CCDC38: variants seen among roughly 807,000 people sequenced by gnomAD.
CCDC38 encodes coiled-coil domain containing 38, also known as coiled-coil domain-containing protein 38.
Under a neutral mutation model 72.8 loss-of-function variants are expected in CCDC38, and 69 were observed. The ratio of observed to expected loss-of-function variants is 0.95; its 90% CI spans 0.78 to 1.16. The LOEUF is 1.16. Among genes scored for constraint, CCDC38 ranks in the 50% most tolerant of loss-of-function variants. The probability of loss-of-function intolerance (pLI) is 0.00; values close to 1 mark genes in which losing one functional copy is unlikely to be tolerated. For synonymous variants in CCDC38, 201 were observed against 213.2 expected (o/e 0.94, Z 0.50); for missense variants, 626 against 638.9 (o/e 0.98, Z 0.22).
chr12:95,903,880 AGG>A (rs1407853897), intron 5 of CCDC38: 1 of 157,188 alleles, frequency 6.4e-6, no homozygotes, highest in Non-Finnish European at 1.4e-5. Flanking sequence ...TTTTGATATG[AGG>A]GTAATGCTGG....
At position 95,878,251 on chromosome 12, in the gene CCDC38, G is replaced by A. The variant is rs2079657077; in HGVS notation, c.1238C>T (p.Ser413Phe). The change falls in exon 13 of 16, where the codon TCC becomes TTC. Residue 413 changes from serine (S) to phenylalanine (F), a missense_variant. Transcript: ENST00000344280. The stretch of plus-strand genomic sequence containing the variant: ...AAATTCTCCAAAGCTAAAGAGCTTG[G>A]ACTTTAATTGCAATTCTGCTGCTTT... ...EEKAAELQLK[S>F]KLFSFGEFNS... The A allele has an allele frequency of 6.2e-7, 1 of 1,613,536 alleles. No individual in the cohort carries two copies. Among genetic ancestry groups the A allele is most frequent in the Non-Finnish European group, 8.5e-7 (1 of 1,179,790 alleles).
intron 9 of CCDC38, among the ~76,000 whole-genome samples, chr12:95,889,670 A>G (rs1479259594): frequency 1.3e-5 from 2 of 152,140 alleles, no homozygotes; most frequent in African/African-American, 4.8e-5. Flanking sequence ...AGCAGGATAC[A>G]GGAGAAAAGG....
At chr12:95,941,081 T>C (rs750003206) in intron 1 of CCDC38, among the ~76,000 whole-genome samples, 2 of 152,216 alleles carry the variant, frequency 1.3e-5, no homozygotes, top group East Asian at 3.8e-4. Flanking sequence ...CACTCATCCT[T>C]TCTGCTTTTG....
intron 2 of CCDC38, among the ~76,000 whole-genome samples, chr12:95,927,276 G>C (rs2080282021): frequency 6.6e-6 from 1 of 151,914 alleles, no homozygotes; most frequent in East Asian, 1.9e-4. Flanking sequence ...TTGTTGAATT[G>C]ATCCCTTTAC....
intron 14 of CCDC38, 170 bp from the exon 15 acceptor site, chr12:95,869,743 TCGA>T: frequency 1.8e-6 from 1 of 551,362 alleles, no homozygotes; most frequent in Non-Finnish European, 3.2e-6. Flanking sequence ...CAGGTAAATC[TCGA>T]CAACAAATAC....
At chr12:95,929,751 A>G (rs1172870282) in intron 2 of CCDC38, among the ~76,000 whole-genome samples, 2 of 152,244 alleles carry the variant, frequency 1.3e-5, no homozygotes, top group African/African-American at 2.4e-5. Context: ...TCTTGTTTCC[A>G]TAATAAGATA....
At chr12:95,942,382 T>TTG (rs1555233985) in intron 1 of CCDC38, 49 bp downstream of exon 1, 4 of 150,932 alleles carry the variant, frequency 2.7e-5, no homozygotes, top group African/African-American at 4.9e-5. Flanking sequence ...AGCTGAGGGG[T>TTG]GGGAGGGGGC....
chr12:95,887,821 A>C (rs1260233924), intron 10 of CCDC38, among the ~76,000 whole-genome samples: 1 of 152,178 alleles, frequency 6.6e-6, no homozygotes, highest in Non-Finnish European at 1.5e-5. Flanking sequence ...TCTCAAAATG[A>C]ACATTTAATT....
chr12:95,890,987 T>C (rs1353750679), intron 8 of CCDC38, 57 bp from the exon 9 acceptor site: 8 of 950,330 alleles, frequency 8.4e-6, no homozygotes, highest in Non-Finnish European at 1.3e-5. Flanking sequence ...AAAAAAACAC[T>C]GCTGAGAAAG....
At chr12:95,934,643 G>C (rs1483810155) in intron 2 of CCDC38, 1 of 149,818 alleles carries the variant, frequency 6.7e-6, no homozygotes, top group Non-Finnish European at 1.5e-5. Context: ...TGTTTTTTTT[G>C]GTTAGCAATA....
chr12:95,895,182 C>A, intron 7 of CCDC38, 36 bp from the exon 8 acceptor site: 1 of 1,517,416 alleles, frequency 6.6e-7, no homozygotes, highest in South Asian at 1.3e-5. Flanking sequence ...TTAGGTATAT[C>A]AGTGTGAAAG....
chr12:95,879,669 T>A lies in CCDC38; in HGVS notation c.1117A>T (p.Arg373Ter). 6.3e-7 allele frequency: 1 copy of A among 1,598,630 alleles called. No individual in the cohort carries two copies. Among genetic ancestry groups the A allele is most frequent in the Admixed American group, 1.7e-5 (1 of 59,160 alleles). The change falls in exon 12 of 16, where the codon AGA becomes TGA. Residue 373 changes from arginine to a stop codon, truncating the protein, a stop_gained. Transcript: ENST00000344280. LOFTEE classifies it high-confidence loss of function. The surrounding 1 kb of genome is among the most constrained non-coding windows in gnomAD (Gnocchi z 5.5). ...GTTTTATCCTGTATAACTTTTTCTC[T>A]TTTGTTTACCTCTTCAAGATTTTCA... is the stretch of plus-strand genomic sequence containing the variant. ...VDENLEEVNK[R>*]EKVIQDKTNS...
rs948537071 is a variant in CCDC38 at position 95,893,873 on chromosome 12, C to CAT, written c.772+1114_772+1115dup. 3.3e-4 allele frequency among the ~76,000 whole-genome samples: 50 copies of CAT among 151,430 alleles called. No individual in the cohort carries two copies. In the South Asian group the frequency reaches 4.2e-3, roughly 13 times the overall value. ...AATATGTTAATATATAAGTAAATAA[C>CAT]ATATATATATAGCATACATAAAAAT... On this transcript the variant is annotated intron_variant, in intron 8 of 15. Coordinates refer to ENST00000344280, the MANE Select transcript of CCDC38 (RefSeq NM_182496.3).
At chr12:95,921,689 A>G (rs1002068725) in intron 2 of CCDC38, among the ~76,000 whole-genome samples, 2 of 152,086 alleles carry the variant, frequency 1.3e-5, no homozygotes, top group African/African-American at 4.8e-5. Flanking sequence ...GGGTAGGGAC[A>G]CAGAGCCAAA....
intron 13 of CCDC38, among the ~76,000 whole-genome samples, chr12:95,876,705 C>G (rs966337554): frequency 2.0e-5 from 3 of 152,156 alleles, no homozygotes; most frequent in African/African-American, 7.2e-5. Flanking sequence ...GTGTGTGTGT[C>G]TGGAGGAGCC....
intron 5 of CCDC38, among the ~76,000 whole-genome samples, chr12:95,905,276 T>G (rs1453420909): frequency 6.6e-6 from 1 of 152,190 alleles, no homozygotes; most frequent in Non-Finnish European, 1.5e-5. Context: ...ACAAGTCTTT[T>G]TGATAAGTGG....
Position 95,907,354 on chromosome 12 carries a change from GGGT to G in CCDC38, c.305-906_305-904del, listed in dbSNP as rs1439090755. 1.3e-3 allele frequency among the ~76,000 whole-genome samples: 187 copies of G among 146,308 alleles called. 1 individual carries two copies. The highest frequency in any genetic ancestry group is 4.5e-3 in the African/African-American group (177 of 39,002). ...AGCTGTTGGGTACACCTCCCAGACG[GGGT>G]GGTGGCCGGGCAGAGGGGCTCCTCA... is the stretch of plus-strand genomic sequence containing the variant. On this transcript the variant is annotated intron_variant, in intron 4 of 15. Transcript: ENST00000344280.
intron 4 of CCDC38, among the ~76,000 whole-genome samples, chr12:95,908,899 T>C (rs980771994): frequency 6.6e-6 from 1 of 152,074 alleles, no homozygotes; most frequent in African/African-American, 2.4e-5. Context: ...CAAATGTTTC[T>C]TTTCAAGCTT....
intron 10 of CCDC38, among the ~76,000 whole-genome samples, chr12:95,887,215 A>C (rs1016060534): frequency 2.0e-5 from 3 of 151,866 alleles, no homozygotes; most frequent in Non-Finnish European, 2.9e-5. Context: ...ACAAAAAAAA[A>C]CCACTGAACA....
Sources: gnomAD v4.1 joint callset for allele counts (sites outside exome capture counted in the v4.1 genomes callset) on GRCh38, gnomAD v4.1.1 for gene constraint, Gnocchi (gnomAD v3.1) non-coding constraint, MANE v1.5 for transcripts, NCBI Gene and HGNC (gene_info 2026-07-23, HGNC 2026-07-21) for gene names.